Variants in TXNDC16 observed in about 807,000 individuals in gnomAD.
TXNDC16 encodes the protein thioredoxin domain-containing protein 16.
Under a neutral mutation model 85.6 loss-of-function variants are expected in TXNDC16, and 74 were observed. The ratio of observed to expected loss-of-function variants is 0.86; its 90% CI spans 0.72 to 1.05. The LOEUF is 1.05. Among genes scored for constraint, TXNDC16 ranks in the 50% least tolerant of loss-of-function variants. The pLI is 0.00. For synonymous variants in TXNDC16, 335 were observed against 326.5 expected (o/e 1.03, Z -0.28); for missense variants, 959 against 947.0 (o/e 1.01, Z -0.17).
chr14:52,437,194 G>A (rs2035049135), intron 20 of TXNDC16, among the ~76,000 whole-genome samples: 2 of 151,998 alleles, frequency 1.3e-5, no homozygotes, highest in African/African-American at 2.4e-5. Flanking sequence ...AATAGATTCT[G>A]GGCCAAGATC....
chr14:52,480,975 G>GTATATATATATATATATA (rs141877325), intron 14 of TXNDC16, among the ~76,000 whole-genome samples: 1 of 135,002 alleles, frequency 7.4e-6, no homozygotes, highest in African/African-American at 2.8e-5. Flanking sequence ...ATATATATAT[G>GTATATATATATATATATA]TATATATATA....
rs1445358016 is a variant in TXNDC16, at chr14:52,514,961, G to A, written c.524C>T (p.Ala175Val). The change falls in exon 8 of 21, where the codon GCA becomes GTA. Residue 175 changes from alanine to valine, a missense_variant. Ala to Val is a moderately conservative substitution (Grantham distance 64). Coordinates refer to ENST00000281741, the MANE Select transcript of TXNDC16 (RefSeq NM_020784.3). ...VRAIGIPEHR[A>V]VMEAAFVYGT... ...ATACACAAAAGCGGCTTCCATGACT[G>A]CTCTGTGCTCTGAAGAAGAGATAAA... The A allele has an allele frequency of 6.2e-7, 1 of 1,610,740 alleles. No homozygotes were observed. Among genetic ancestry groups the A allele is most frequent in the Non-Finnish European group, 8.5e-7 (1 of 1,178,024 alleles).
chr14:52,444,406 G>A (rs1367918601), intron 18 of TXNDC16, among the ~76,000 whole-genome samples: 2 of 152,030 alleles, frequency 1.3e-5, no homozygotes, highest in African/African-American at 4.8e-5. Context: ...GGCCCAATTT[G>A]TCATCAGGTT....
chr14:52,503,896 G>C (rs1035857055), intron 9 of TXNDC16, among the ~76,000 whole-genome samples: 1 of 152,210 alleles, frequency 6.6e-6, no homozygotes, highest in Non-Finnish European at 1.5e-5. Context: ...TGATGGAGCT[G>C]AAAACTATGG....
rs1261753592 is a variant in TXNDC16 at position 52,488,394 on chromosome 14, A to C, written c.1077T>G (p.Asp359Glu). 6.2e-7 allele frequency: 1 copy of C among 1,613,658 alleles called. No individual in the cohort carries two copies. Among genetic ancestry groups the C allele is most frequent in the Non-Finnish European group, 8.5e-7 (1 of 1,179,786 alleles). The change falls in exon 12 of 21, where the codon GAT (aspartate) becomes GAG (glutamate). Residue 359 changes from aspartate (D) to glutamate (E), a missense_variant. Transcript: ENST00000281741. ...CTGGACCTTCCATGTCATTGTCTTC[A>C]TCTTCTTGTATTTCCTCAATGTGCA... Reference protein sequence around the residue: ...NNMHIEEIQEDEDNDMEGPDI... With the variant: ...NNMHIEEIQEEEDNDMEGPDI...
chr14:52,455,270 T>C, intron 18 of TXNDC16, 54 bp downstream of exon 18: 2 of 1,601,526 alleles, frequency 1.2e-6, no homozygotes, highest in Non-Finnish European at 1.7e-6. Flanking sequence ...TATACTACCT[T>C]TGACTGATCT....
At chr14:52,451,939 C>G (rs1273874883) in intron 18 of TXNDC16, among the ~76,000 whole-genome samples, 1 of 152,100 alleles carries the variant, frequency 6.6e-6, no homozygotes, top group Non-Finnish European at 1.5e-5. Context: ...TTTGGAAAAA[C>G]TAAAGACTCC....
chr14:52,515,149 T>C (rs996762085), intron 7 of TXNDC16, among the ~76,000 whole-genome samples, 179 bp from the exon 8 acceptor site: 15 of 152,318 alleles, frequency 9.8e-5, no homozygotes, highest in Middle Eastern at 3.4e-3. Context: ...ATAAAAAGTC[T>C]ATTCTATTCA....
chr14:52,506,198 G>C (rs2036795526), intron 9 of TXNDC16, among the ~76,000 whole-genome samples: 1 of 152,204 alleles, frequency 6.6e-6, no homozygotes, highest in African/African-American at 2.4e-5. Context: ...AATAGAAAAA[G>C]AGGGAATCCT....
In TXNDC16 at chr14:52,521,065, A is replaced by C. The variant is rs930528105; in HGVS notation, c.393-1772T>G. On this transcript the variant is annotated intron_variant, in intron 6 of 20. Transcript: ENST00000281741. ...TAACATAAATACTTTTTATTTAAAAAAAAACTATAATTTATAAAACCAAAG... is the reference window on the plus strand; with the variant it reads ...TAACATAAATACTTTTTATTTAAAACAAAACTATAATTTATAAAACCAAAG... Among the ~76,000 whole-genome samples the C allele has an allele frequency of 5.3e-5, 8 of 152,168 alleles. No homozygotes were observed. The East Asian group carries it at 1.5e-3, about 29-fold the overall frequency.
chr14:52,530,315 TATA>T (rs1265955920), intron 6 of TXNDC16, among the ~76,000 whole-genome samples: 1 of 54,482 alleles, frequency 1.8e-5, no homozygotes, highest in East Asian at 1.4e-3. Context: ...ATATATAATA[TATA>T]ATTATTTTTA....
At chr14:52,449,945 T>C (rs1030401446) in intron 18 of TXNDC16, among the ~76,000 whole-genome samples, 1 of 151,912 alleles carries the variant, frequency 6.6e-6, no homozygotes, top group Middle Eastern at 3.2e-3. Flanking sequence ...AAAGCAGTAC[T>C]AAAAGGAAAG....
intron 7 of TXNDC16, among the ~76,000 whole-genome samples, chr14:52,516,031 T>C (rs1211778687): frequency 6.6e-6 from 1 of 152,144 alleles, no homozygotes; most frequent in Non-Finnish European, 1.5e-5. Context: ...TCCACAATTT[T>C]CTAACTCTCT....
chr14:52,501,343 T>C (rs563330967), intron 9 of TXNDC16, among the ~76,000 whole-genome samples: 2 of 152,234 alleles, frequency 1.3e-5, no homozygotes, highest in African/African-American at 2.4e-5. Context: ...TAATAATACA[T>C]ATAATTGCAA....
At chr14:52,444,218 A>G (rs751611559) in intron 18 of TXNDC16, among the ~76,000 whole-genome samples, 39 of 152,194 alleles carry the variant, frequency 2.6e-4, no homozygotes, top group Non-Finnish European at 5.6e-4. Context: ...AGTATATAAC[A>G]GACTATAACT....
At chr14:52,539,385 T>A (rs2037777627) in intron 4 of TXNDC16, among the ~76,000 whole-genome samples, 1 of 152,176 alleles carries the variant, frequency 6.6e-6, no homozygotes, top group Admixed American at 6.5e-5. Context: ...TCCAGCAGGT[T>A]CAAATAACAG....
At chr14:52,486,764 A>C (rs1279892718) in intron 12 of TXNDC16, among the ~76,000 whole-genome samples, 1 of 152,210 alleles carries the variant, frequency 6.6e-6, no homozygotes, top group East Asian at 1.9e-4. Flanking sequence ...TTAAGATGAA[A>C]AATAAACAAA....
At chr14:52,500,246 T>A (rs917135454) in intron 9 of TXNDC16, among the ~76,000 whole-genome samples, 6 of 152,234 alleles carry the variant, frequency 3.9e-5, no homozygotes, top group African/African-American at 1.4e-4. Flanking sequence ...AAATGCGGTA[T>A]ATACGTCCAA....
At chr14:52,493,193 C>CTATATATA (rs555994196) in intron 9 of TXNDC16, among the ~76,000 whole-genome samples, 37 of 126,202 alleles carry the variant, frequency 2.9e-4, no homozygotes, top group African/African-American at 1.2e-3. Context: ...TGTCACTGTT[C>CTATATATA]TATATATATA....
Sources: allele counts gnomAD v4.1 joint callset (sites outside exome capture counted in the v4.1 genomes callset), GRCh38; gene constraint gnomAD v4.1.1; transcripts MANE v1.5; gene names NCBI Gene and HGNC (gene_info 2026-07-23, HGNC 2026-07-21).